The following HHLA2 variants were observed in gnomAD, a reference collection of about 807,000 sequenced individuals.
HHLA2 encodes HHLA2 member of B7 family, also known as HERV-H LTR-associating protein 2.
HHLA2 carries 48 observed loss-of-function variants against 45.9 expected under a neutral mutation model. The observed-to-expected ratio is 1.05, with a 90% CI of 0.83 to 1.33. HHLA2 has a LOEUF of 1.33. HHLA2 is among the 40% of genes most tolerant of loss of function. The pLI, the probability that HHLA2 is intolerant of heterozygous loss-of-function variation, is 0.00. For missense variants in HHLA2, 462 were observed against 494.3 expected (o/e 0.93, Z 0.62); for synonymous variants, 161 against 173.9 (o/e 0.93, Z 0.59).
At chr3:108,356,029 C>CTTTTTTT (rs3053487) in intron 6 of HHLA2, among the ~76,000 whole-genome samples, 9 of 118,228 alleles carry the variant, frequency 7.6e-5, no homozygotes, top group Admixed American at 2.0e-4. Flanking sequence ...ATTTGTTTTC[C>CTTTTTTT]TTTTTTTTTT....
intron 3 of HHLA2, among the ~76,000 whole-genome samples, chr3:108,330,830 G>C (rs2081372812): frequency 6.6e-6 from 1 of 152,124 alleles, no homozygotes; most frequent in African/African-American, 2.4e-5. Flanking sequence ...GAGATAGTAA[G>C]ATAATAAATG....
At chr3:108,331,348 G>C (rs937041331) in intron 3 of HHLA2, among the ~76,000 whole-genome samples, 1 of 152,088 alleles carries the variant, frequency 6.6e-6, no homozygotes, top group African/African-American at 2.4e-5. Context: ...GTGAGCATTT[G>C]TTTGCCTCTC....
intron 3 of HHLA2, among the ~76,000 whole-genome samples, chr3:108,345,061 A>C (rs1375527206): frequency 6.6e-6 from 1 of 152,168 alleles, no homozygotes; most frequent in Non-Finnish European, 1.5e-5. Flanking sequence ...ACCCCTCCCA[A>C]GATGGGGAAT....
chr3:108,331,544 A>T (rs2081385586), intron 3 of HHLA2, among the ~76,000 whole-genome samples: 1 of 152,162 alleles, frequency 6.6e-6, no homozygotes, highest in African/African-American at 2.4e-5. Context: ...CCCTTCTCAC[A>T]CTGTAGAAAT....
intron 6 of HHLA2, among the ~76,000 whole-genome samples, chr3:108,357,198 A>G (rs1404259839): frequency 2.6e-5 from 4 of 152,126 alleles, no homozygotes; most frequent in Admixed American, 6.5e-5. Context: ...AGGTGAGTCT[A>G]GAGCCAGGGG....
chr3:108,370,776 A>T (rs2082155984), intron 8 of HHLA2, among the ~76,000 whole-genome samples: 1 of 152,196 alleles, frequency 6.6e-6, no homozygotes, highest in Non-Finnish European at 1.5e-5. Flanking sequence ...AAGTTTAGAG[A>T]AAAAAGAATT....
intron 1 of HHLA2, among the ~76,000 whole-genome samples, chr3:108,309,626 A>G (rs2080985055): frequency 6.6e-6 from 1 of 152,024 alleles, no homozygotes; most frequent in South Asian, 2.1e-4. Context: ...TTTTCTCATT[A>G]TTAGACTGGG....
intron 8 of HHLA2, 31 bp from the exon 8 acceptor site, chr3:108,375,719 A>G: frequency 6.2e-7 from 1 of 1,604,830 alleles, no homozygotes; most frequent in Non-Finnish European, 8.5e-7. Flanking sequence ...GTAAATACCT[A>G]ATTTCACTCT....
intron 3 of HHLA2, among the ~76,000 whole-genome samples, chr3:108,343,267 T>C (rs2081606905): frequency 6.6e-6 from 1 of 152,186 alleles, no homozygotes; most frequent in Non-Finnish European, 1.5e-5. Context: ...TCTGAAGCAA[T>C]GAAGCTTTAC....
intron 3 of HHLA2, among the ~76,000 whole-genome samples, chr3:108,335,523 T>C (rs1425705690): frequency 6.6e-6 from 1 of 152,192 alleles, no homozygotes; most frequent in Non-Finnish European, 1.5e-5. Context: ...ATTGTAACTT[T>C]ACCTGAATGA....
intron 3 of HHLA2, among the ~76,000 whole-genome samples, chr3:108,328,738 T>C (rs2081334006): frequency 6.6e-6 from 1 of 152,028 alleles, no homozygotes; most frequent in Non-Finnish European, 1.5e-5. Flanking sequence ...CTGCATTATC[T>C]ATGTGCTACT....
At chr3:108,314,366 C>G (rs1368957495) in intron 2 of HHLA2, among the ~76,000 whole-genome samples, 2 of 151,716 alleles carry the variant, frequency 1.3e-5, no homozygotes, top group African/African-American at 4.8e-5. Context: ...AATTCCTACT[C>G]CTACATCCTT....
intron 1 of HHLA2, among the ~76,000 whole-genome samples, chr3:108,300,691 G>C (rs575289491): frequency 1.3e-5 from 2 of 152,252 alleles, no homozygotes; most frequent in South Asian, 4.1e-4. Context: ...GCAAAGCAGA[G>C]ACGTGAAACC....
intron 8 of HHLA2, among the ~76,000 whole-genome samples, chr3:108,371,641 C>A (rs569785153): frequency 6.6e-6 from 1 of 152,182 alleles, no homozygotes; most frequent in African/African-American, 2.4e-5. Context: ...ATCTACCAAG[C>A]AAATGACAAA....
intron 2 of HHLA2, among the ~76,000 whole-genome samples, chr3:108,314,697 C>T (rs533264733): frequency 3.3e-5 from 5 of 152,284 alleles, no homozygotes; most frequent in South Asian, 4.1e-4. Flanking sequence ...TTTACTTCAT[C>T]GATTGATGTG....
intron 8 of HHLA2, among the ~76,000 whole-genome samples, chr3:108,368,001 AT>A (rs754719488): frequency 6.6e-6 from 1 of 152,228 alleles, no homozygotes; most frequent in Non-Finnish European, 1.5e-5. Context: ...CAGACTAACA[AT>A]GGATATCTCT....
intron 8 of HHLA2, among the ~76,000 whole-genome samples, chr3:108,367,091 G>A (rs1218238663): frequency 6.6e-6 from 1 of 152,146 alleles, no homozygotes; most frequent in African/African-American, 2.4e-5. Flanking sequence ...CCAGAAAACT[G>A]CAGCAGACCT....
At chr3:108,367,131 AAACT>A (rs779184792) in intron 8 of HHLA2, among the ~76,000 whole-genome samples, 3 of 152,218 alleles carry the variant, frequency 2.0e-5, no homozygotes, top group Non-Finnish European at 4.4e-5. Context: ...GTTAGAAGAA[AAACT>A]AACAAACAGA....
intron 3 of HHLA2, among the ~76,000 whole-genome samples, chr3:108,342,557 G>A (rs144532793): frequency 7.9e-5 from 12 of 152,080 alleles, no homozygotes; most frequent in African/African-American, 1.7e-4. Flanking sequence ...GAGCCACTGC[G>A]CCTGGCCTGG....
Sources: gnomAD v4.1 joint callset for allele counts (sites outside exome capture counted in the v4.1 genomes callset) on GRCh38, gnomAD v4.1.1 for gene constraint, MANE v1.5 for transcripts, NCBI Gene and HGNC (gene_info 2026-07-23, HGNC 2026-07-21) for gene names.